Variants in ADAM22 observed in about 807,000 individuals in gnomAD.
The protein encoded by ADAM22 is disintegrin and metalloproteinase domain-containing protein 22.
Under a neutral mutation model 144.6 loss-of-function variants are expected in ADAM22, and 65 were observed. The ratio of observed to expected loss-of-function variants is 0.45; its 90% CI spans 0.37 to 0.55. The LOEUF (loss-of-function observed/expected upper bound fraction) is 0.55, where lower values mean the gene tolerates loss of function less well. ADAM22 is among the 20% of genes least tolerant of loss of function. The pLI is 0.00. For missense variants in ADAM22, 974 were observed against 1,184.9 expected (o/e 0.82, Z 2.61); for synonymous variants, 391 against 412.6 (o/e 0.95, Z 0.63).
intron 2 of ADAM22, among the ~76,000 whole-genome samples, chr7:87,971,535 T>C (rs1277022701): frequency 6.6e-6 from 1 of 152,234 alleles, no homozygotes; most frequent in Admixed American, 6.5e-5. Context: ...GTTTAATAGT[T>C]TTTAAAATCA....
chr7:88,023,229 A>G (rs192781052), intron 3 of ADAM22, among the ~76,000 whole-genome samples: 96 of 152,312 alleles, frequency 6.3e-4, no homozygotes, highest in African/African-American at 2.1e-3. Context: ...GATCTCAGTT[A>G]TATCAGATCT....
At chr7:87,967,403 G>A (rs1391061644) in intron 2 of ADAM22, among the ~76,000 whole-genome samples, 1 of 152,134 alleles carries the variant, frequency 6.6e-6, no homozygotes, top group Non-Finnish European at 1.5e-5. Context: ...TAGAAAGATT[G>A]CTTGAGCTCA....
chr7:87,989,208 T>A (rs1208443913), intron 3 of ADAM22, among the ~76,000 whole-genome samples: 1 of 152,202 alleles, frequency 6.6e-6, no homozygotes, highest in Non-Finnish European at 1.5e-5. Context: ...GGTTCTTTAA[T>A]TAAAACATTA....
At position 88,147,448 on chromosome 7, in the gene ADAM22, G is replaced by A. The variant is rs113193312; in HGVS notation, c.1486-1529G>A. Among the ~76,000 whole-genome samples the A allele has an allele frequency of 5.1e-3, 784 of 152,298 alleles. 11 individuals carry two copies. The highest frequency in any genetic ancestry group is 0.018 in the African/African-American group (752 of 41,572). ...ATAGTTTAGGCTTTGTGATCATAAA[G>A]TTTCTGTTGCAGCTCAGCTCTGCCT... On this transcript the variant is annotated intron_variant, in intron 17 of 31. Coordinates refer to ENST00000413139, the MANE Select transcript of ADAM22 (RefSeq NM_001324418.2).
intron 2 of ADAM22, among the ~76,000 whole-genome samples, chr7:87,946,548 C>T (rs1241587238): frequency 1.3e-5 from 2 of 152,052 alleles, no homozygotes; most frequent in East Asian, 3.8e-4. Flanking sequence ...GTTAGGGGTC[C>T]AGTTTCATTC....
Position 88,202,687 on chromosome 7 carries a change from T to C in ADAM22, c.*6196T>C, listed in dbSNP as rs1166197635. 1 of 152,256 alleles carries C rather than the reference T, an allele frequency of 6.6e-6. No individual in the cohort carries two copies. The highest frequency in any genetic ancestry group is 1.9e-4 in the East Asian group (1 of 5,198). The allele number at this position is 152,256 out of a possible 1,614,324, so 9.4% of individuals were successfully genotyped here. A position where few individuals can be genotyped will look rare whatever the true frequency, so the allele number is the denominator to read the frequency against. On this transcript the variant is annotated 3_prime_UTR_variant, in exon 32 of 32. Coordinates refer to ENST00000413139, the MANE Select transcript of ADAM22 (RefSeq NM_001324418.2). ...GAGCAAGTGTGATTTGTTTTATGGCTGTTCAAGTTATAAAATTGTTCTTAC... is the reference window on the plus strand; with the variant it reads ...GAGCAAGTGTGATTTGTTTTATGGCCGTTCAAGTTATAAAATTGTTCTTAC...
chr7:87,973,216 A>G (rs1047368024), intron 2 of ADAM22, among the ~76,000 whole-genome samples: 134 of 152,330 alleles, frequency 8.8e-4, no homozygotes, highest in African/African-American at 3.2e-3. Flanking sequence ...AATATCCAGA[A>G]TCTACAACGA....
chr7:88,033,842 G>A (rs562376007), intron 3 of ADAM22, among the ~76,000 whole-genome samples: 24 of 151,978 alleles, frequency 1.6e-4, no homozygotes, highest in Non-Finnish European at 2.9e-4. Context: ...GGCCCACGTG[G>A]AGTACTGCCA....
intron 3 of ADAM22, among the ~76,000 whole-genome samples, chr7:88,008,273 G>T (rs550172399): frequency 1.3e-5 from 2 of 151,396 alleles, no homozygotes. Flanking sequence ...AGGATGTGGA[G>T]AAATAAGAAC....
At chr7:88,023,511 C>T (rs912855304) in intron 3 of ADAM22, among the ~76,000 whole-genome samples, 10 of 152,104 alleles carry the variant, frequency 6.6e-5, no homozygotes, top group Non-Finnish European at 1.2e-4. Context: ...CCTCCACCTC[C>T]CAGGTTCAAG....
chr7:87,969,910 A>T (rs1850019927), intron 2 of ADAM22, among the ~76,000 whole-genome samples: 1 of 152,194 alleles, frequency 6.6e-6, no homozygotes, highest in Non-Finnish European at 1.5e-5. Flanking sequence ...GGTGTTACTG[A>T]GATGGAAAAG....
At chr7:88,038,196 G>A (rs552314309) in intron 3 of ADAM22, among the ~76,000 whole-genome samples, 79 of 152,282 alleles carry the variant, frequency 5.2e-4, no homozygotes, top group Admixed American at 2.2e-3. Context: ...GGGAGAGAAT[G>A]TAGACTATGA....
intron 2 of ADAM22, among the ~76,000 whole-genome samples, chr7:87,973,690 A>G (rs950853444): frequency 8.5e-5 from 13 of 152,238 alleles, no homozygotes; most frequent in African/African-American, 2.7e-4. Flanking sequence ...AACCAACCCA[A>G]ATGTCCAACA....
intron 26 of ADAM22, among the ~76,000 whole-genome samples, chr7:88,177,047 G>A (rs1395477852): frequency 6.6e-6 from 1 of 152,116 alleles, no homozygotes; most frequent in Non-Finnish European, 1.5e-5. Flanking sequence ...TTACAGGCGT[G>A]AGCCACCACG....
chr7:87,977,896 C>T lies in ADAM22; in HGVS notation c.247-440C>T, dbSNP rs554971416. On this transcript the variant is annotated intron_variant, in intron 2 of 31. Coordinates refer to ENST00000413139, the MANE Select transcript of ADAM22 (RefSeq NM_001324418.2). ...TTTTAAAGTATATCTTTGTGATAAG[C>T]GAAAAAGGATTTTTTGGAGGTTTAG... Among the ~76,000 whole-genome samples the T allele has an allele frequency of 2.0e-3, 299 of 152,054 alleles. 1 individual carries two copies. The highest frequency in any genetic ancestry group is 6.5e-3 in the African/African-American group (270 of 41,494).
chr7:88,035,100 G>A (rs1053751984), intron 3 of ADAM22, among the ~76,000 whole-genome samples: 5 of 152,136 alleles, frequency 3.3e-5, no homozygotes, highest in Admixed American at 6.5e-5. Context: ...ATCTTGCCCT[G>A]CCTCATTCTC....
At chr7:88,141,350 A>G (rs1834576170) in intron 14 of ADAM22, among the ~76,000 whole-genome samples, 1 of 152,218 alleles carries the variant, frequency 6.6e-6, no homozygotes, top group South Asian at 2.1e-4. Flanking sequence ...TAAACCCAAG[A>G]CAGCTTTATT....
At chr7:88,183,368 C>T (rs984970103) in intron 29 of ADAM22, among the ~76,000 whole-genome samples, 1 of 151,854 alleles carries the variant, frequency 6.6e-6, no homozygotes, top group African/African-American at 2.4e-5. Flanking sequence ...TTAGAACTTC[C>T]TTGTTTACTG....
At chr7:88,085,876 G>A (rs1332840129) in intron 4 of ADAM22, among the ~76,000 whole-genome samples, 1 of 152,070 alleles carries the variant, frequency 6.6e-6, no homozygotes, top group Non-Finnish European at 1.5e-5. Flanking sequence ...TGGCTGTGTA[G>A]GTTTTAAAAA....
Sources: gnomAD v4.1 joint callset for allele counts (sites outside exome capture counted in the v4.1 genomes callset) on GRCh38, gnomAD v4.1.1 for gene constraint, MANE v1.5 for transcripts, NCBI Gene and HGNC (gene_info 2026-07-23, HGNC 2026-07-21) for gene names.